Variants in HS3ST4 observed in about 807,000 individuals in gnomAD.
HS3ST4 encodes the protein heparan sulfate-glucosamine 3-sulfotransferase 4, also known as heparan sulfate glucosamine 3-O-sulfotransferase 4.
HS3ST4 carries 17 observed loss-of-function variants against 29.2 expected under a neutral mutation model. The observed-to-expected ratio is 0.58, with a 90% CI of 0.40 to 0.87. The LOEUF is 0.87. Ranked by LOEUF, HS3ST4 falls within the 40% of genes least tolerant of loss-of-function variation. The pLI, the probability that HS3ST4 is intolerant of heterozygous loss-of-function variation, is 0.00. For missense variants in HS3ST4, 627 were observed against 634.5 expected (o/e 0.99, Z 0.13); for synonymous variants, 314 against 285.7 (o/e 1.10, Z -1.00).
intron 1 of HS3ST4, among the ~76,000 whole-genome samples, chr16:25,823,869 C>G (rs1040722632): frequency 4.6e-5 from 7 of 152,162 alleles, no homozygotes; most frequent in African/African-American, 1.4e-4. Flanking sequence ...TGGCCTAAGG[C>G]CACTGTTTTT....
intron 1 of HS3ST4, among the ~76,000 whole-genome samples, chr16:25,748,377 G>A (rs1458832107): frequency 6.6e-6 from 1 of 152,060 alleles, no homozygotes; most frequent in Admixed American, 6.5e-5. Context: ...CCTTTGCTAA[G>A]TGGAATGAAG....
intron 1 of HS3ST4, among the ~76,000 whole-genome samples, chr16:26,018,036 A>T (rs1005174952): frequency 6.6e-6 from 1 of 152,194 alleles, no homozygotes; most frequent in African/African-American, 2.4e-5. Flanking sequence ...ATAAGCCAAG[A>T]TGGCCCGTCG....
rs988123204 is a variant in HS3ST4 at position 26,124,171 on chromosome 16, C to T, written c.735-11441C>T. Among the ~76,000 whole-genome samples the T allele has an allele frequency of 4.6e-5, 7 of 152,132 alleles. No individual in the cohort carries two copies. The East Asian group carries it at 9.6e-4, about 21-fold the overall frequency. ...CTGACCTCAGGTGATCCACCCGCCT[C>T]GGCCTCCTAAAGTGCTGGGATTACA... On this transcript the variant is annotated intron_variant, in intron 1 of 1. Coordinates refer to ENST00000331351, the MANE Select transcript of HS3ST4 (RefSeq NM_006040.3).
intron 1 of HS3ST4, among the ~76,000 whole-genome samples, chr16:25,957,132 G>A (rs1383091922): frequency 6.6e-6 from 1 of 152,110 alleles, no homozygotes; most frequent in African/African-American, 2.4e-5. Context: ...AGAGGCTGGA[G>A]AATGATGACT....
intron 1 of HS3ST4, among the ~76,000 whole-genome samples, chr16:25,949,985 G>A (rs2141696534): frequency 6.6e-6 from 1 of 151,356 alleles, no homozygotes; most frequent in South Asian, 2.1e-4. Flanking sequence ...AGCAGCCGCA[G>A]TGCGCCCAGT....
At chr16:26,112,937 G>T in intron 1 of HS3ST4, among the ~76,000 whole-genome samples, 1 of 152,120 alleles carries the variant, frequency 6.6e-6, no homozygotes, top group Admixed American at 6.5e-5. Context: ...CGTTTCCATT[G>T]CTCGGAACAT....
chr16:26,087,659 G>T (rs941432334), intron 1 of HS3ST4, among the ~76,000 whole-genome samples: 1 of 152,056 alleles, frequency 6.6e-6, no homozygotes, highest in Admixed American at 6.6e-5. Context: ...TATCTGATAT[G>T]CTTGTGACCA....
At chr16:25,763,729 A>G (rs34353800) in intron 1 of HS3ST4, among the ~76,000 whole-genome samples, 1,893 of 152,308 alleles carry the variant, frequency 0.012, 32 homozygotes, top group Middle Eastern at 0.024. Flanking sequence ...AAGAGGGGCA[A>G]GAGGTGTGGC....
chr16:25,950,810 A>T, intron 1 of HS3ST4, among the ~76,000 whole-genome samples: 1 of 151,996 alleles, frequency 6.6e-6, no homozygotes, highest in East Asian at 1.9e-4. Flanking sequence ...AATAAGCCCC[A>T]CCTCCGGGGG....
intron 1 of HS3ST4, among the ~76,000 whole-genome samples, chr16:25,715,974 G>A (rs540941988): frequency 2.0e-5 from 3 of 152,338 alleles, no homozygotes; most frequent in African/African-American, 7.2e-5. Context: ...TTCCATCGTG[G>A]CAGGGAAAGA....
intron 1 of HS3ST4, among the ~76,000 whole-genome samples, chr16:25,977,958 T>C (rs555476276): frequency 3.9e-5 from 6 of 152,272 alleles, no homozygotes; most frequent in African/African-American, 1.4e-4. Context: ...ATCAAGGCTT[T>C]TGGAGAGAGG....
intron 1 of HS3ST4, among the ~76,000 whole-genome samples, chr16:25,806,394 C>A (rs1596576549): frequency 6.6e-6 from 1 of 152,058 alleles, no homozygotes; most frequent in African/African-American, 2.4e-5. Context: ...TTCCTCAAGT[C>A]CCCTACTCAT....
intron 1 of HS3ST4, among the ~76,000 whole-genome samples, chr16:25,768,865 T>C (rs1188705547): frequency 1.3e-5 from 2 of 152,162 alleles, no homozygotes; most frequent in South Asian, 2.1e-4. Context: ...TGGAACAGCA[T>C]TGGATCCCAC....
At chr16:25,767,185 G>C (rs1289330166) in intron 1 of HS3ST4, among the ~76,000 whole-genome samples, 1 of 152,108 alleles carries the variant, frequency 6.6e-6, no homozygotes, top group Non-Finnish European at 1.5e-5. Flanking sequence ...TTCTTGTTTT[G>C]CCAGGCAAAT....
chr16:25,928,841 T>C (rs1596617071), intron 1 of HS3ST4, among the ~76,000 whole-genome samples: 1 of 152,180 alleles, frequency 6.6e-6, no homozygotes, highest in East Asian at 1.9e-4. Flanking sequence ...CTCTTCTACC[T>C]GTAGCCCTGA....
intron 1 of HS3ST4, among the ~76,000 whole-genome samples, chr16:25,894,565 G>GCTACA: frequency 6.6e-6 from 1 of 151,484 alleles, no homozygotes; most frequent in Non-Finnish European, 1.5e-5. Flanking sequence ...GAGTGCAATG[G>GCTACA]TGCGATCTCG....
chr16:25,845,163 A>G (rs1023649236), intron 1 of HS3ST4, among the ~76,000 whole-genome samples: 1 of 152,168 alleles, frequency 6.6e-6, no homozygotes. Flanking sequence ...TTTGTTACCT[A>G]TGTAACAAAC....
intron 1 of HS3ST4, among the ~76,000 whole-genome samples, chr16:25,885,550 CTA>C (rs1967940585): frequency 6.6e-6 from 1 of 152,136 alleles, no homozygotes; most frequent in South Asian, 2.1e-4. Flanking sequence ...TAAGGTATAG[CTA>C]CTCCAGCCCA....
intron 1 of HS3ST4, among the ~76,000 whole-genome samples, chr16:25,792,399 G>A (rs1176236062): frequency 2.0e-5 from 3 of 151,658 alleles, no homozygotes; most frequent in African/African-American, 7.3e-5. Flanking sequence ...TTAAATATAC[G>A]GAAAAATTTG....
Sources: gnomAD v4.1 joint callset for allele counts (sites outside exome capture counted in the v4.1 genomes callset) on GRCh38, gnomAD v4.1.1 for gene constraint, MANE v1.5 for transcripts, NCBI Gene and HGNC (gene_info 2026-07-23, HGNC 2026-07-21) for gene names.